Variants in KIAA0825 observed in about 807,000 individuals in gnomAD.
KIAA0825 encodes the protein uncharacterized protein KIAA0825.
Under a neutral mutation model 147.6 loss-of-function variants are expected in KIAA0825, and 119 were observed. That is an observed-to-expected ratio of 0.81 (90% CI 0.69 to 0.94). The LOEUF (loss-of-function observed/expected upper bound fraction) is 0.94. KIAA0825 is among the 40% of genes least tolerant of loss of function. The pLI, the probability that KIAA0825 is intolerant of heterozygous loss-of-function variation, is 0.00. For missense variants in KIAA0825, 1,381 were observed against 1,472.7 expected, an observed-to-expected ratio of 0.94 and a Z score of 1.02; for synonymous variants, 470 against 518.1, an observed-to-expected ratio of 0.91 and a Z score of 1.26.
At chr5:94,561,189 T>A (rs1303611607) in intron 2 of KIAA0825, among the ~76,000 whole-genome samples, 1 of 152,156 alleles carries the variant, frequency 6.6e-6, no homozygotes, top group Non-Finnish European at 1.5e-5. Flanking sequence ...CCAATAAAAA[T>A]TCTTAAACAA....
intron 20 of KIAA0825, among the ~76,000 whole-genome samples, chr5:94,357,676 G>C (rs1469710351): frequency 6.6e-6 from 1 of 152,152 alleles, no homozygotes; most frequent in East Asian, 1.9e-4. Flanking sequence ...GAGTCTTTCA[G>C]CTCATTGCTA....
At chr5:94,430,397 CA>C (rs763255493) in intron 14 of KIAA0825, among the ~76,000 whole-genome samples, 41 of 151,836 alleles carry the variant, frequency 2.7e-4, no homozygotes, top group Admixed American at 8.5e-4. Flanking sequence ...CTTCTTATTT[CA>C]AAAAAAATCA....
chr5:94,378,056 A>G (rs1395542555), intron 20 of KIAA0825, among the ~76,000 whole-genome samples: 2 of 152,224 alleles, frequency 1.3e-5, no homozygotes. Flanking sequence ...TGTTATTTTA[A>G]TCTGAGCAAA....
intron 20 of KIAA0825, among the ~76,000 whole-genome samples, chr5:94,350,917 G>A (rs373357990): frequency 2.1e-5 from 3 of 145,840 alleles, no homozygotes; most frequent in Non-Finnish European, 4.5e-5. Context: ...ATGGAGTCTC[G>A]CTCTTGTTGC....
chr5:94,601,063 G>A (rs142007737), intron 1 of KIAA0825, among the ~76,000 whole-genome samples: 2 of 152,264 alleles, frequency 1.3e-5, no homozygotes, highest in East Asian at 1.9e-4. Context: ...GAGTACCGCA[G>A]CACAGCATGG....
chr5:94,246,079 T>A (rs1380819178), intron 20 of KIAA0825, among the ~76,000 whole-genome samples: 1 of 152,078 alleles, frequency 6.6e-6, no homozygotes, highest in African/African-American at 2.4e-5. Flanking sequence ...GACAATGAGA[T>A]TTTCTCCCAT....
At chr5:94,275,685 T>A (rs1283648433) in intron 20 of KIAA0825, among the ~76,000 whole-genome samples, 1 of 152,162 alleles carries the variant, frequency 6.6e-6, no homozygotes, top group African/African-American at 2.4e-5. Context: ...TTAAAAGACA[T>A]CACTAAATGT....
At chr5:94,306,067 G>C (rs1432187873) in intron 20 of KIAA0825, among the ~76,000 whole-genome samples, 1 of 151,508 alleles carries the variant, frequency 6.6e-6, no homozygotes, top group Non-Finnish European at 1.5e-5. Flanking sequence ...AATTCCTAAA[G>C]TTTGGTGAAA....
At chr5:94,556,133 A>T (rs1359636152) in intron 2 of KIAA0825, among the ~76,000 whole-genome samples, 1 of 151,710 alleles carries the variant, frequency 6.6e-6, no homozygotes, top group East Asian at 1.9e-4. Flanking sequence ...GCTCACTGTA[A>T]CCTCCGCCTC....
intron 20 of KIAA0825, among the ~76,000 whole-genome samples, chr5:94,234,317 G>A (rs1332198613): frequency 6.6e-6 from 1 of 151,614 alleles, no homozygotes; most frequent in African/African-American, 2.4e-5. Flanking sequence ...CTTGCAGTGA[G>A]CCGAGATCGC....
chr5:94,437,579 G>A (rs1756536783), intron 14 of KIAA0825, among the ~76,000 whole-genome samples: 1 of 152,148 alleles, frequency 6.6e-6, no homozygotes, highest in Non-Finnish European at 1.5e-5. Context: ...ATACCAGAAT[G>A]TGGACATAAT....
At chr5:94,313,070 C>A (rs562637928) in intron 20 of KIAA0825, among the ~76,000 whole-genome samples, 2 of 151,330 alleles carry the variant, frequency 1.3e-5, no homozygotes, top group African/African-American at 4.8e-5. Context: ...TGTTTATTTT[C>A]GAAGTTATAT....
chr5:94,490,552 C>T (rs915565548), intron 5 of KIAA0825, among the ~76,000 whole-genome samples: 8 of 151,930 alleles, frequency 5.3e-5, no homozygotes, highest in African/African-American at 1.7e-4. Context: ...TAAAATATGA[C>T]TTTTGTGTGT....
intron 10 of KIAA0825, among the ~76,000 whole-genome samples, chr5:94,469,705 T>C (rs1300117532): frequency 2.0e-5 from 3 of 152,196 alleles, no homozygotes; most frequent in African/African-American, 7.2e-5. Flanking sequence ...ATATTCCAAC[T>C]ATGCTGCACT....
intron 20 of KIAA0825, among the ~76,000 whole-genome samples, chr5:94,199,224 T>C (rs951967749): frequency 1.3e-5 from 2 of 152,224 alleles, no homozygotes; most frequent in African/African-American, 4.8e-5. Context: ...TTTGCTTTTA[T>C]ATTTTTTGTG....
intron 4 of KIAA0825, among the ~76,000 whole-genome samples, chr5:94,521,523 G>A (rs558202104): frequency 1.3e-5 from 2 of 151,642 alleles, no homozygotes; most frequent in South Asian, 4.2e-4. Flanking sequence ...TGAGAACTGT[G>A]TTAAGAAAGA....
At chr5:94,554,887 G>A (rs924419541) in intron 2 of KIAA0825, among the ~76,000 whole-genome samples, 1 of 150,410 alleles carries the variant, frequency 6.6e-6, no homozygotes, top group African/African-American at 2.4e-5. Context: ...GGCAAAGCTG[G>A]GATTCCTATT....
At chr5:94,448,338 C>A (rs1757985704) in intron 13 of KIAA0825, among the ~76,000 whole-genome samples, 1 of 151,678 alleles carries the variant, frequency 6.6e-6, no homozygotes, top group South Asian at 2.1e-4. Context: ...AAAAATTGTG[C>A]TTTTATCCAT....
intron 2 of KIAA0825, chr5:94,570,770 T>A (rs111847160): frequency 6.6e-6 from 1 of 152,250 alleles, no homozygotes; most frequent in Non-Finnish European, 1.5e-5. Context: ...GTACTTGACT[T>A]CACCATCAGC....
Sources: allele counts gnomAD v4.1 joint callset (sites outside exome capture counted in the v4.1 genomes callset), GRCh38; gene constraint gnomAD v4.1.1; transcripts MANE v1.5; gene names NCBI Gene and HGNC (gene_info 2026-07-23, HGNC 2026-07-21).